The following FBN2 variants were observed in gnomAD, a reference collection of about 807,000 sequenced individuals.
The protein encoded by FBN2 is fibrillin-2.
Under a neutral mutation model 355.6 loss-of-function variants are expected in FBN2, and 105 were observed. The ratio of observed to expected loss-of-function variants is 0.30; its 90% CI spans 0.25 to 0.35. FBN2 has a LOEUF of 0.35. FBN2 is among the 10% of genes least tolerant of loss of function. The probability of loss-of-function intolerance (pLI) is 1.00; values close to 1 mark genes in which losing one functional copy is unlikely to be tolerated. For missense variants in FBN2, 3,280 were observed against 3,758.7 expected (o/e 0.87, Z 3.33); for synonymous variants, 1,350 against 1,301.2 (o/e 1.04, Z -0.81).
intron 5 of FBN2, among the ~76,000 whole-genome samples, chr5:128,476,701 G>A (rs968881135): frequency 2.2e-4 from 34 of 151,422 alleles, no homozygotes; most frequent in Middle Eastern, 3.2e-3. Flanking sequence ...ATCAAAAAGC[G>A]TGTCTTAATA....
In FBN2 at chr5:128,304,937, G is replaced by A. The variant is rs1554119695; in HGVS notation, c.5800+20C>T. The stretch of plus-strand genomic sequence containing the variant: ...AACCCCAGCCCCACTTCACTCCCTG[G>A]AGCCACATGCCCTTCTTACCCATGC... On this transcript the variant is annotated intron_variant, in intron 45 of 64. Transcript: ENST00000262464. 6.2e-7 allele frequency: 1 copy of A among 1,613,714 alleles called. No homozygotes were observed. Among genetic ancestry groups the A allele is most frequent in the Non-Finnish European group, 8.5e-7 (1 of 1,179,828 alleles).
Position 128,393,123 on chromosome 5 carries a change from C to T in FBN2, c.1465+12G>A, listed in dbSNP as rs1447925088. ...GGAAACTAAAGAGTCCACAGGAAAA[C>T]TGACCACTTACTTAGTCCAGTGATG... On this transcript the variant is annotated intron_variant, in intron 10 of 64. Transcript: ENST00000262464. 1 of 1,596,552 alleles carries T rather than the reference C, an allele frequency of 6.3e-7. No individual in the cohort carries two copies. The highest frequency in any genetic ancestry group is 2.2e-5 in the East Asian group (1 of 44,804).
At chr5:128,289,857 A>C in intron 51 of FBN2, 25 bp downstream of exon 51, 1 of 1,360,636 alleles carries the variant, frequency 7.3e-7, no homozygotes, top group Non-Finnish European at 1.1e-6. Context: ...ATAAGAATAT[A>C]GGAATAAAAT....
chr5:128,456,679 C>A (rs951868111), intron 6 of FBN2, among the ~76,000 whole-genome samples: 11 of 152,032 alleles, frequency 7.2e-5, no homozygotes, highest in Non-Finnish European at 1.3e-4. Flanking sequence ...GAACCCCCAG[C>A]AAACTGCAGC....
intron 6 of FBN2, among the ~76,000 whole-genome samples, chr5:128,456,403 GT>G (rs1260207569): frequency 6.6e-6 from 1 of 152,076 alleles, no homozygotes; most frequent in African/African-American, 2.4e-5. Flanking sequence ...GGCCGAGTGG[GT>G]TTCCCCCCAG....
chr5:128,280,486 C>T (rs940215043), intron 55 of FBN2, among the ~76,000 whole-genome samples, 169 bp from the exon 56 acceptor site: 2 of 151,736 alleles, frequency 1.3e-5, no homozygotes, highest in East Asian at 1.9e-4. Context: ...TTTACTTCAT[C>T]CTTCTTGGTG....
chr5:128,348,565 G>C (rs181364261), intron 23 of FBN2, among the ~76,000 whole-genome samples: 23 of 152,112 alleles, frequency 1.5e-4, no homozygotes, highest in African/African-American at 5.5e-4. Context: ...CTTTAAAGGT[G>C]ATTGCATACA....
At chr5:128,280,985 G>A (rs147498649) in intron 55 of FBN2, among the ~76,000 whole-genome samples, 121 of 152,236 alleles carry the variant, frequency 7.9e-4, no homozygotes, top group African/African-American at 2.8e-3. Context: ...AGGAGCATAA[G>A]AGAGCGCATG....
chr5:128,529,046 T>G (rs1260973437), intron 3 of FBN2, among the ~76,000 whole-genome samples: 2 of 152,206 alleles, frequency 1.3e-5, no homozygotes, highest in Non-Finnish European at 2.9e-5. Context: ...GGAGGAACTG[T>G]GTGGTTCAAG....
chr5:128,329,114 T>C (rs1750628041), intron 33 of FBN2, among the ~76,000 whole-genome samples: 1 of 152,216 alleles, frequency 6.6e-6, no homozygotes, highest in South Asian at 2.1e-4. Flanking sequence ...ATTTGTCTTG[T>C]TTCTCTTGTC....
At chr5:128,515,331 C>T (rs1178184852) in intron 5 of FBN2, among the ~76,000 whole-genome samples, 2 of 152,202 alleles carry the variant, frequency 1.3e-5, no homozygotes, top group Admixed American at 6.5e-5. Context: ...TTGTGGTTGA[C>T]TCCTTTCAGA....
chr5:128,522,588 A>G (rs1287293831), intron 4 of FBN2, among the ~76,000 whole-genome samples: 1 of 152,200 alleles, frequency 6.6e-6, no homozygotes, highest in Non-Finnish European at 1.5e-5. Context: ...AATGTTCTGT[A>G]AGACAAGACG....
At chr5:128,265,863 G>A (rs35360680) in intron 62 of FBN2, among the ~76,000 whole-genome samples, 2 of 152,142 alleles carry the variant, frequency 1.3e-5, no homozygotes, top group Non-Finnish European at 2.9e-5. Context: ...TAACATCGTA[G>A]GTTTACAGTT....
In FBN2 at chr5:128,350,953, C is replaced by A; in HGVS notation, c.2727G>T (p.Val909=). The change falls in exon 21 of 65, where the codon GTG becomes GTT. Residue 909 remains valine, a synonymous_variant. Coordinates refer to ENST00000262464, the MANE Select transcript of FBN2 (RefSeq NM_001999.4). ...WLNIQDSRCE[V]NINGATLKSE... ...ATTTCAGAGTGGCTCCATTAATATT[C>A]ACCTCACAGCGGCTGTCCTGGATGT... 5 of 1,614,182 alleles carry A rather than the reference C, an allele frequency of 3.1e-6. No homozygotes were observed. Among genetic ancestry groups the A allele is most frequent in the Non-Finnish European group, 4.2e-6 (5 of 1,180,030 alleles).
At chr5:128,522,872 C>T (rs1366155337) in intron 4 of FBN2, among the ~76,000 whole-genome samples, 2 of 152,122 alleles carry the variant, frequency 1.3e-5, no homozygotes, top group Non-Finnish European at 2.9e-5. Context: ...ACTGTGCTTA[C>T]ACCTAGCATG....
At chr5:128,287,256 A>T in intron 54 of FBN2, 52 bp downstream of exon 54, 1 of 1,595,296 alleles carries the variant, frequency 6.3e-7, no homozygotes, top group South Asian at 1.1e-5. Flanking sequence ...ATTAAGATGT[A>T]TCTCCAGCAT....
At chr5:128,275,363 A>G (rs1184458213) in intron 59 of FBN2, among the ~76,000 whole-genome samples, 2 of 152,022 alleles carry the variant, frequency 1.3e-5, no homozygotes, top group Admixed American at 1.3e-4. Flanking sequence ...TGGAGTCTTT[A>G]GTCATACTCA....
At chr5:128,405,854 C>G (rs1752912232) in intron 8 of FBN2, among the ~76,000 whole-genome samples, 1 of 152,128 alleles carries the variant, frequency 6.6e-6, no homozygotes, top group Non-Finnish European at 1.5e-5. Context: ...ACAATAATAA[C>G]CTCACTTCCT....
chr5:128,411,322 T>C (rs1753055783), intron 7 of FBN2, among the ~76,000 whole-genome samples: 1 of 152,230 alleles, frequency 6.6e-6, no homozygotes, highest in African/African-American at 2.4e-5. Context: ...GCCCAGTGTT[T>C]TCAAATTCTT....
Sources: gnomAD v4.1 joint callset for allele counts (sites outside exome capture counted in the v4.1 genomes callset) on GRCh38, gnomAD v4.1.1 for gene constraint, MANE v1.5 for transcripts, NCBI Gene and HGNC (gene_info 2026-07-23, HGNC 2026-07-21) for gene names.